RPL38: variants seen among roughly 807,000 people sequenced by gnomAD.
The protein encoded by RPL38 is large ribosomal subunit protein eL38.
Under a neutral mutation model 12.8 loss-of-function variants are expected in RPL38, and 2 were observed. That is an observed-to-expected ratio of 0.16 (90% CI 0.06 to 0.49). RPL38 has a LOEUF of 0.49. Ranked by LOEUF, RPL38 falls within the 20% of genes least tolerant of loss-of-function variation. The pLI is 0.96. For synonymous variants in RPL38, 42 were observed against 30.1 expected, an observed-to-expected ratio of 1.39 and a Z score of -1.29; for missense variants, 52 against 79.8, an observed-to-expected ratio of 0.65 and a Z score of 1.33.
chr17:74,206,934 T>G (rs2050120714), intron 3 of RPL38, among the ~76,000 whole-genome samples: 2 of 151,426 alleles, frequency 1.3e-5, no homozygotes, highest in Non-Finnish European at 2.9e-5. Flanking sequence ...GCCAGGATGG[T>G]CTCTATCTCC....
In RPL38 at chr17:74,203,912, C is replaced by A; in HGVS notation, c.-38-6C>A. The A allele has an allele frequency of 6.3e-7, 1 of 1,586,882 alleles. No individual in the cohort carries two copies. Among genetic ancestry groups the A allele is most frequent in the Non-Finnish European group, 8.6e-7 (1 of 1,163,600 alleles). On this transcript the variant is annotated splice_region_variant and splice_polypyrimidine_tract_variant and intron_variant, in intron 1 of 4. Coordinates refer to ENST00000311111, the MANE Select transcript of RPL38 (RefSeq NM_000999.4). ...CCGTGTTAACGCCGAGGACTGTTTCCCGCAGGTCCTGGTCCGCGCCAGAGC... is the reference window on the plus strand; with the variant it reads ...CCGTGTTAACGCCGAGGACTGTTTCACGCAGGTCCTGGTCCGCGCCAGAGC...
chr17:74,207,502 T>C (rs764098877), intron 3 of RPL38, among the ~76,000 whole-genome samples: 4 of 152,136 alleles, frequency 2.6e-5, no homozygotes, highest in Admixed American at 2.0e-4. Flanking sequence ...GCTGCACATA[T>C]GGCAATGTTG....
At chr17:74,206,879 A>ATT (rs752979571) in intron 3 of RPL38, among the ~76,000 whole-genome samples, 26 of 140,182 alleles carry the variant, frequency 1.9e-4, no homozygotes, top group African/African-American at 5.5e-4. Flanking sequence ...TGCCGGGCTA[A>ATT]TTTTTTTTTT....
intron 3 of RPL38, 70 bp downstream of exon 3, chr17:74,204,260 C>T (rs1470506573): frequency 4.9e-6 from 7 of 1,431,584 alleles, no homozygotes; most frequent in African/African-American, 1.4e-5. Flanking sequence ...GCGTCTTCCC[C>T]GGAATGTCAG....
rs11555576 is a variant in RPL38 at position 74,209,811 on chromosome 17, A to G, written c.195A>G (p.Ala65=). The G allele has an allele frequency of 6.2e-7, 1 of 1,612,746 alleles. No homozygotes were observed. The highest frequency in any genetic ancestry group is 8.5e-7 in the Non-Finnish European group (1 of 1,178,768). The change falls in exon 5 of 5, where the codon GCA becomes GCG. Residue 65 remains alanine (A), a synonymous_variant. Coordinates refer to ENST00000311111, the MANE Select transcript of RPL38 (RefSeq NM_000999.4). Reference sequence around the variant, plus strand: ...TTGTCTCTTTCCCTCTAGGTTTGGCAGTGAAGGAACTGAAATGAACCAGAC... The same window carrying G: ...TTGTCTCTTTCCCTCTAGGTTTGGCGGTGAAGGAACTGAAATGAACCAGAC... ...KLKQSLPPGL[A]VKELK
rs989674624 is a variant in RPL38 at position 74,209,233 on chromosome 17, A to G, written c.111A>G (p.Arg37=). 124 of 1,613,982 alleles carry G rather than the reference A, an allele frequency of 7.7e-5. No individual in the cohort carries two copies. In the East Asian group the frequency reaches 2.7e-3, roughly 36 times the overall value. Reference sequence around the variant, plus strand: ...AGGACAACGTGAAGTTTAAAGTTCGATGCAGCAGATACCTTTACACCCTGG... The same window carrying G: ...AGGACAACGTGAAGTTTAAAGTTCGGTGCAGCAGATACCTTTACACCCTGG... ...KNKDNVKFKV[R]CSRYLYTLVI... is the part of the protein sequence containing the mutation. The change falls in exon 4 of 5, where the codon CGA becomes CGG. Residue 37 remains arginine (R), a synonymous_variant. Coordinates refer to ENST00000311111, the MANE Select transcript of RPL38 (RefSeq NM_000999.4).
chr17:74,204,464 G>A (rs2050092677), intron 3 of RPL38: 1 of 461,900 alleles, frequency 2.2e-6, no homozygotes, highest in Non-Finnish European at 3.9e-6. Flanking sequence ...GTAAATTGTC[G>A]GAACGGAATC....
In RPL38 at chr17:74,210,452, T is replaced by C. The variant is rs1323736780; in HGVS notation, c.*623T>C. 6.6e-6 allele frequency: 1 copy of C among 152,280 alleles called. No individual in the cohort carries two copies. The highest frequency in any genetic ancestry group is 1.5e-5 in the Non-Finnish European group (1 of 68,096). The allele number at this position is 152,280 out of a possible 1,614,324, so 9.4% of individuals were successfully genotyped here. On this transcript the variant is annotated 3_prime_UTR_variant, in exon 5 of 5. Coordinates refer to ENST00000311111, the MANE Select transcript of RPL38 (RefSeq NM_000999.4). ...ATAGCACATCTACCACTCGCTAACT[T>C]GACTGACTTGGAGAAATGACTACAC...
chr17:74,207,359 T>G, intron 3 of RPL38, among the ~76,000 whole-genome samples: 1 of 152,104 alleles, frequency 6.6e-6, no homozygotes, highest in East Asian at 1.9e-4. Context: ...CACGGTTTGT[T>G]TATTCGTCTA....
At chr17:74,208,170 A>C (rs544406485) in intron 3 of RPL38, among the ~76,000 whole-genome samples, 2 of 152,346 alleles carry the variant, frequency 1.3e-5, no homozygotes, top group East Asian at 1.9e-4. Flanking sequence ...TGATTGGCAC[A>C]TCACTGCTAT....
At chr17:74,209,423 C>A (rs2050144616) in intron 4 of RPL38, 114 bp downstream of exon 4, 1 of 1,214,852 alleles carries the variant, frequency 8.2e-7, no homozygotes, top group Non-Finnish European at 1.2e-6. Context: ...ATTTTATGGT[C>A]TAAGAATCTG....
intron 3 of RPL38, 27 bp downstream of exon 3, chr17:74,204,217 AAGAGCGGTGCCTAGCCTGG>A: frequency 6.2e-7 from 1 of 1,609,986 alleles, no homozygotes; most frequent in Non-Finnish European, 8.5e-7. Flanking sequence ...AAGGTTCAAG[AAGAGCGGTGCCTAGCCTGG>A]CACCGCTCCG....
chr17:74,203,720 T>C lies in RPL38; in HGVS notation c.-64T>C. On this transcript the variant is annotated 5_prime_UTR_variant, in exon 1 of 5. Coordinates refer to ENST00000311111, the MANE Select transcript of RPL38 (RefSeq NM_000999.4). The stretch of plus-strand genomic sequence containing the variant: ...CCGGTTGCTGCTTGCTGTGAGTGTC[T>C]CTAGGGTGATACGTGGGTGAGAAAG... 1 of 597,626 alleles carries C rather than the reference T, an allele frequency of 1.7e-6. No individual in the cohort carries two copies. The highest frequency in any genetic ancestry group is 2.8e-5 in the East Asian group (1 of 35,970). The allele number at this position is 597,626 out of a possible 1,614,324, so 37.0% of individuals were successfully genotyped here. A position where few individuals can be genotyped will look rare whatever the true frequency, so the allele number is the denominator to read the frequency against.
Position 74,209,976 on chromosome 17 carries a change from GTC to G in RPL38, c.*149_*150del. 18 of 414,224 alleles carry G rather than the reference GTC, an allele frequency of 4.3e-5. No individual in the cohort carries two copies. Among genetic ancestry groups the G allele is most frequent in the East Asian group, 9.5e-5 (2 of 21,036 alleles). 25.7% of individuals were successfully genotyped at this position (414,224 alleles called of 1,614,324 possible). ...GCGGGTTCTGTTGCTGCCTTCCTGT[GTC>G]TTTTTTTTTTTTTTTTTTTCTTTCT... On this transcript the variant is annotated 3_prime_UTR_variant, in exon 5 of 5. Transcript: ENST00000311111.
intron 3 of RPL38, among the ~76,000 whole-genome samples, chr17:74,208,228 A>G (rs1333594362): frequency 6.6e-6 from 1 of 152,210 alleles, no homozygotes; most frequent in African/African-American, 2.4e-5. Flanking sequence ...AAGAGTTGGA[A>G]CAAGGCATTC....
At position 74,210,097 on chromosome 17, in the gene RPL38, C is replaced by T. The variant is rs2050152619; in HGVS notation, c.*268C>T. The T allele has an allele frequency of 2.7e-6, 1 of 364,234 alleles. No homozygotes were observed. The highest frequency in any genetic ancestry group is 4.1e-5 in the South Asian group (1 of 24,682). 22.6% of individuals were successfully genotyped at this position (364,234 alleles called of 1,614,324 possible). A position where few individuals can be genotyped will look rare whatever the true frequency, so the allele number is the denominator to read the frequency against. On this transcript the variant is annotated 3_prime_UTR_variant, in exon 5 of 5. Coordinates refer to ENST00000311111, the MANE Select transcript of RPL38 (RefSeq NM_000999.4). The stretch of plus-strand genomic sequence containing the variant: ...CCGCCTCCTGGGTTCAAGCGACTGT[C>T]CTGCCTCAGCCTCCCGAGTGGCTGG...
rs147817422 is a variant in RPL38, at chr17:74,207,507, A to G, written c.65-1680A>G. 1.1e-3 allele frequency among the ~76,000 whole-genome samples: 164 copies of G among 152,138 alleles called. 2 individuals carry two copies. In the East Asian group the frequency reaches 0.025, roughly 23 times the overall value. On this transcript the variant is annotated intron_variant, in intron 3 of 4. Transcript: ENST00000311111. ...AAATGGAATTGCTGCACATATGGCA[A>G]TGTTGAGTAAACTTTTTTTTTATTT... is the stretch of plus-strand genomic sequence containing the variant.
intron 1 of RPL38, 74 bp from the exon 2 acceptor site, chr17:74,203,844 T>A: frequency 7.4e-7 from 1 of 1,353,720 alleles, no homozygotes; most frequent in South Asian, 1.5e-5. Flanking sequence ...GGCCGATATT[T>A]CGGGGGAGAG....
At chr17:74,208,389 G>T (rs1767019192) in intron 3 of RPL38, among the ~76,000 whole-genome samples, 2 of 152,180 alleles carry the variant, frequency 1.3e-5, no homozygotes, top group Non-Finnish European at 2.9e-5. Context: ...GCTGTTTCTT[G>T]TCTGAGCCAT....
Sources: gnomAD v4.1 joint callset for allele counts (sites outside exome capture counted in the v4.1 genomes callset) on GRCh38, gnomAD v4.1.1 for gene constraint, MANE v1.5 for transcripts, NCBI Gene and HGNC (gene_info 2026-07-23, HGNC 2026-07-21) for gene names.